Variants in ZNF254 observed in about 807,000 individuals in gnomAD.
ZNF254 encodes zinc finger protein 254, also known as CTD-2017D11.1.
ZNF254 carries 10 observed loss-of-function variants against 12.4 expected under a neutral mutation model. That is an observed-to-expected ratio of 0.80 (90% CI 0.50 to 1.36). ZNF254 has a LOEUF of 1.36. Ranked by LOEUF, ZNF254 falls within the 40% of genes most tolerant of loss-of-function variation. The pLI is 0.00. For synonymous variants in ZNF254, 305 were observed against 253.4 expected (o/e 1.20, Z -1.93); for missense variants, 996 against 763.9 (o/e 1.30, Z -3.58).
At chr19:24,099,680 C>G (rs1012643007) in intron 1 of ZNF254, among the ~76,000 whole-genome samples, 21 of 152,124 alleles carry the variant, frequency 1.4e-4, no homozygotes, top group Non-Finnish European at 2.8e-4. Context: ...GATGGCCTCC[C>G]CAATGACCAG....
At chr19:24,115,223 C>G (rs987401405) in intron 3 of ZNF254, among the ~76,000 whole-genome samples, 1 of 151,912 alleles carries the variant, frequency 6.6e-6, no homozygotes, top group Non-Finnish European at 1.5e-5. Flanking sequence ...GACACATGCA[C>G]AAGTATGTTT....
chr19:24,080,633 A>G (rs996510545), intron 2 of ZNF254: 2 of 152,136 alleles, frequency 1.3e-5, no homozygotes, highest in African/African-American at 4.8e-5. Flanking sequence ...GGAGTTCAAG[A>G]CTAGTCTGGC....
intron 3 of ZNF254, among the ~76,000 whole-genome samples, chr19:24,116,350 G>C (rs980979436): frequency 1.8e-4 from 28 of 151,890 alleles, no homozygotes; most frequent in African/African-American, 6.5e-4. Context: ...ATGTGGATTT[G>C]GTCTTTTCAC....
chr19:24,072,824 ACT>A (rs1428684788), intron 2 of ZNF254, among the ~76,000 whole-genome samples: 2 of 151,916 alleles, frequency 1.3e-5, no homozygotes, highest in Non-Finnish European at 2.9e-5. Context: ...AGGTGATATG[ACT>A]CTCTGTCTGA....
chr19:24,102,910 A>C (rs550891451), intron 1 of ZNF254, among the ~76,000 whole-genome samples: 1 of 152,204 alleles, frequency 6.6e-6, no homozygotes, highest in Non-Finnish European at 1.5e-5. Flanking sequence ...AATGATAAAC[A>C]GAAGAGGAAA....
rs1440117777 is a variant in ZNF254, at chr19:24,105,929, G to T, written c.31-11G>T. The T allele has an allele frequency of 6.3e-7, 1 of 1,585,918 alleles. No individual in the cohort carries two copies. The highest frequency in any genetic ancestry group is 1.7e-5 in the Admixed American group (1 of 59,130). On this transcript the variant is annotated splice_polypyrimidine_tract_variant and intron_variant, in intron 1 of 3. Coordinates refer to ENST00000357002, the MANE Select transcript of ZNF254 (RefSeq NM_203282.4). The stretch of plus-strand genomic sequence containing the variant: ...ACTTTGTAAATATGTGTGTTTGTGT[G>T]TGTTTTCCAGGGACTGTTGACATTT...
chr19:24,116,984 C>T (rs1568467876), intron 3 of ZNF254, among the ~76,000 whole-genome samples: 1 of 152,158 alleles, frequency 6.6e-6, no homozygotes, highest in Non-Finnish European at 1.5e-5. Flanking sequence ...GCTTGGGTGT[C>T]AGCAGCAGTG....
chr19:24,093,917 G>A (rs1972533287), intron 1 of ZNF254, among the ~76,000 whole-genome samples: 1 of 152,036 alleles, frequency 6.6e-6, no homozygotes, highest in Non-Finnish European at 1.5e-5. Flanking sequence ...CTATTTATGA[G>A]CATAAAGTTG....
chr19:24,033,597 A>G, exon 1 of ZNF254: 1 of 417,430 alleles, frequency 2.4e-6, no homozygotes, highest in Non-Finnish European at 4.7e-6. Context: ...CTAAGATGTC[A>G]GGACATCCTG....
chr19:24,098,413 T>C (rs1157446845), intron 1 of ZNF254: 1 of 152,242 alleles, frequency 6.6e-6, no homozygotes, highest in Non-Finnish European at 1.5e-5. Flanking sequence ...ACAGTCATAT[T>C]TTAATTTTTT....
intron 1 of ZNF254, among the ~76,000 whole-genome samples, chr19:24,095,607 T>C (rs1399782302): frequency 6.6e-6 from 1 of 152,178 alleles, no homozygotes; most frequent in Admixed American, 6.5e-5. Context: ...TTTTTGTTAA[T>C]TCTTGGAAGG....
Position 24,126,529 on chromosome 19 carries a change from A to C in ZNF254, c.529A>C (p.Thr177Pro), listed in dbSNP as rs750121982. 3.7e-6 allele frequency: 6 copies of C among 1,600,224 alleles called. No individual in the cohort carries two copies. The highest frequency in any genetic ancestry group is 5.1e-6 in the Non-Finnish European group (6 of 1,175,746). The change falls in exon 4 of 4, where the codon ACT becomes CCT. Residue 177 changes from threonine (T) to proline (P), a missense_variant. Thr to Pro is a conservative substitution (Grantham distance 38). Coordinates refer to ENST00000357002, the MANE Select transcript of ZNF254 (RefSeq NM_203282.4). Reference sequence around the variant, plus strand: ...TTCAAACAGACCTAAGATAAGACATACTGAAAAGAAATCTTTCAAATGTAA... The same window carrying C: ...TTCAAACAGACCTAAGATAAGACATCCTGAAAAGAAATCTTTCAAATGTAA... ...LNSNRPKIRH[T>P]EKKSFKCKKR...
chr19:24,057,953 T>C (rs17272044), intron 2 of ZNF254, among the ~76,000 whole-genome samples: 22,603 of 152,228 alleles, frequency 0.15, 1,942 homozygotes, highest in Middle Eastern at 0.23. Flanking sequence ...CACACTTCTG[T>C]CTAGCAGCTG....
chr19:24,042,381 A>G (rs1312437997), intron 1 of ZNF254, among the ~76,000 whole-genome samples: 2 of 152,210 alleles, frequency 1.3e-5, no homozygotes, highest in Non-Finnish European at 2.9e-5. Context: ...CCGAGCCAGC[A>G]TTGGCAACCC....
intron 3 of ZNF254, 110 bp downstream of exon 3, chr19:24,106,753 G>T: frequency 9.7e-7 from 1 of 1,032,260 alleles, no homozygotes; most frequent in East Asian, 3.2e-5. Flanking sequence ...AATAGTTTCT[G>T]GGAAGCCTAA....
intron 2 of ZNF254, among the ~76,000 whole-genome samples, chr19:24,053,681 A>G (rs576772702): frequency 6.6e-6 from 1 of 152,052 alleles, no homozygotes; most frequent in African/African-American, 2.4e-5. Flanking sequence ...CCTCTTGTAC[A>G]TTGTGTATTG....
At position 24,041,520 on chromosome 19, in the gene ZNF254, G is replaced by C. The variant is rs368367606; in HGVS notation, c.-189-4664G>C. Among the ~76,000 whole-genome samples, 4 of 152,358 alleles carry C rather than the reference G, an allele frequency of 2.6e-5. No homozygotes were observed. The East Asian group carries it at 7.7e-4, about 29-fold the overall frequency. The stretch of plus-strand genomic sequence containing the variant: ...GTGCTGGCCCACCGGCGCTACGCTC[G>C]ATTTCTCGCCGGGCCTTAGCTGCTT... On this transcript the variant is annotated intron_variant, in intron 1 of 4. Transcript: ENST00000613065.
intron 3 of ZNF254, among the ~76,000 whole-genome samples, chr19:24,117,582 C>G (rs1309106727): frequency 6.6e-6 from 1 of 152,098 alleles, no homozygotes; most frequent in Non-Finnish European, 1.5e-5. Context: ...ACCCGACTTT[C>G]CAGATGCCGT....
chr19:24,113,209 C>G (rs984560404), intron 3 of ZNF254, among the ~76,000 whole-genome samples: 3 of 152,152 alleles, frequency 2.0e-5, no homozygotes, highest in African/African-American at 7.2e-5. Context: ...GTTACCAAAG[C>G]CGGGCAGAGA....
Sources: gnomAD v4.1 joint callset for allele counts (sites outside exome capture counted in the v4.1 genomes callset) on GRCh38, gnomAD v4.1.1 for gene constraint, MANE v1.5 for transcripts, NCBI Gene and HGNC (gene_info 2026-07-23, HGNC 2026-07-21) for gene names.